Variants in PDE1A observed in about 807,000 individuals in gnomAD.
PDE1A encodes the protein dual specificity calcium/calmodulin-dependent 3',5'-cyclic nucleotide phosphodiesterase 1A.
Under a neutral mutation model 61.7 loss-of-function variants are expected in PDE1A, and 35 were observed. The observed-to-expected ratio is 0.57, with a 90% CI of 0.43 to 0.75. The LOEUF is 0.75. Ranked by LOEUF, PDE1A falls within the 30% of genes least tolerant of loss-of-function variation. PDE1A has a pLI of 0.00. For missense variants in PDE1A, 597 were observed against 630.6 expected (o/e 0.95, Z 0.57); for synonymous variants, 232 against 213.2 (o/e 1.09, Z -0.77).
At chr2:182,595,204 G>C in the PDE1A span, among the ~76,000 whole-genome samples, 1 of 152,064 alleles carries the variant, frequency 6.6e-6, no homozygotes, top group Non-Finnish European at 1.5e-5. Context: ...TTCTGCAATT[G>C]AGGAAGAAAA....
At chr2:182,318,751 T>C (rs553423341) in intron 1 of PDE1A, among the ~76,000 whole-genome samples, 2 of 152,292 alleles carry the variant, frequency 1.3e-5, no homozygotes, top group South Asian at 4.1e-4. Context: ...CTGTGACTTC[T>C]AAAATTTTGC....
At chr2:182,564,283 G>T in the PDE1A span, among the ~76,000 whole-genome samples, 1 of 152,148 alleles carries the variant, frequency 6.6e-6, no homozygotes, top group African/African-American at 2.4e-5. Context: ...TTGCTTGTCT[G>T]TAAAGTATTT....
intron 1 of PDE1A, among the ~76,000 whole-genome samples, chr2:182,364,466 T>TAAAAAAAAAAAAAAAGAAAAAAAAAAAAA (rs1699701764): frequency 2.8e-5 from 1 of 35,840 alleles, no homozygotes; most frequent in Non-Finnish European, 5.1e-5. Flanking sequence ...AACACTTTGG[T>TAAAAAAAAAAAAAAAGAAAAAAAAAAAAA]AAAAAAAAAA....
At chr2:182,405,227 C>T (rs151242122) in intron 1 of PDE1A, among the ~76,000 whole-genome samples, 2 of 152,198 alleles carry the variant, frequency 1.3e-5, no homozygotes, top group East Asian at 1.9e-4. Flanking sequence ...GTGGCAAAGC[C>T]CTTCCCTAGG....
chr2:182,267,570 G>A (rs952332110), intron 1 of PDE1A, among the ~76,000 whole-genome samples: 2 of 151,800 alleles, frequency 1.3e-5, no homozygotes, highest in Non-Finnish European at 2.9e-5. Flanking sequence ...ATTAATGAGT[G>A]CACATTTCTA....
chr2:182,291,332 G>A (rs1031218352), intron 1 of PDE1A, among the ~76,000 whole-genome samples: 62 of 152,162 alleles, frequency 4.1e-4, no homozygotes, highest in African/African-American at 1.1e-3. Flanking sequence ...CTGTCAAACT[G>A]CTAGTCAGTC....
At chr2:182,513,758 T>C (rs1689965201) in intron 2 of PDE1A, among the ~76,000 whole-genome samples, 1 of 152,088 alleles carries the variant, frequency 6.6e-6, no homozygotes, top group South Asian at 2.1e-4. Flanking sequence ...GTAAGATCTA[T>C]CAAGCAAACA....
chr2:182,478,049 G>A (rs1477101944), intron 2 of PDE1A, among the ~76,000 whole-genome samples: 3 of 151,874 alleles, frequency 2.0e-5, no homozygotes, highest in Admixed American at 1.3e-4. Flanking sequence ...AAGAGTAACT[G>A]CAGGCAGAGA....
chr2:182,560,997 T>G, the PDE1A span, among the ~76,000 whole-genome samples: 9 of 149,692 alleles, frequency 6.0e-5, no homozygotes, highest in Non-Finnish European at 8.9e-5. Flanking sequence ...TTTCTCCCAT[T>G]TTGTAGGTTG....
chr2:182,470,051 G>A (rs546480604), intron 2 of PDE1A, among the ~76,000 whole-genome samples: 14 of 151,800 alleles, frequency 9.2e-5, no homozygotes, highest in Non-Finnish European at 1.5e-4. Context: ...AATAGTGCAA[G>A]AATTATCAGA....
intron 1 of PDE1A, among the ~76,000 whole-genome samples, chr2:182,412,771 T>C (rs977764470): frequency 5.9e-5 from 9 of 152,204 alleles, no homozygotes; most frequent in African/African-American, 2.2e-4. Flanking sequence ...TATTCTCTAA[T>C]TCTATGGATA....
chr2:182,587,333 C>T, the PDE1A span, among the ~76,000 whole-genome samples: 1 of 152,154 alleles, frequency 6.6e-6, no homozygotes, highest in Non-Finnish European at 1.5e-5. Flanking sequence ...TATGTCAGTC[C>T]TTGGGTACTT....
chr2:182,352,495 A>G (rs1411907370), intron 1 of PDE1A, among the ~76,000 whole-genome samples: 2 of 152,242 alleles, frequency 1.3e-5, no homozygotes, highest in East Asian at 3.8e-4. Context: ...GGGCTCAAAT[A>G]TAAAATACTG....
chr2:182,452,421 G>T (rs377420166), intron 2 of PDE1A, among the ~76,000 whole-genome samples: 1 of 152,254 alleles, frequency 6.6e-6, no homozygotes, highest in East Asian at 1.9e-4. Context: ...ACATTGATAA[G>T]TGCACGCTAG....
chr2:182,310,998 C>T (rs1695930541), intron 1 of PDE1A, among the ~76,000 whole-genome samples: 1 of 150,252 alleles, frequency 6.7e-6, no homozygotes, highest in Admixed American at 6.6e-5. Context: ...AGGCCAGATA[C>T]AGAAGACACA....
At chr2:182,560,684 T>C in the PDE1A span, among the ~76,000 whole-genome samples, 1 of 152,160 alleles carries the variant, frequency 6.6e-6, no homozygotes, top group Non-Finnish European at 1.5e-5. Flanking sequence ...CCACCAACAG[T>C]GTAAAAGTGT....
chr2:182,205,977 TTTC>T (rs757862959), exon 8 of PDE1A: 11 of 1,610,984 alleles, frequency 6.8e-6, no homozygotes, highest in Middle Eastern at 1.6e-4. Flanking sequence ...AAGATATTCA[TTTC>T]TTCTTCTTGC....
At chr2:182,384,209 TC>T (rs1700893625) in intron 1 of PDE1A, among the ~76,000 whole-genome samples, 1 of 152,118 alleles carries the variant, frequency 6.6e-6, no homozygotes, top group Non-Finnish European at 1.5e-5. Context: ...GAAATGAGTA[TC>T]TACTTTTTCA....
intron 2 of PDE1A, among the ~76,000 whole-genome samples, chr2:182,495,745 G>A (rs1000762069): frequency 3.9e-5 from 6 of 152,054 alleles, no homozygotes; most frequent in African/African-American, 7.2e-5. Context: ...AGTTTGAGAC[G>A]CCTGTCCTAT....
Sources: gnomAD v4.1 joint callset for allele counts (sites outside exome capture counted in the v4.1 genomes callset) on GRCh38, gnomAD v4.1.1 for gene constraint, MANE v1.5 for transcripts, NCBI Gene and HGNC (gene_info 2026-07-23, HGNC 2026-07-21) for gene names.